The following BCAS2 variants were observed in gnomAD, a reference collection of about 807,000 sequenced individuals.
BCAS2 encodes the protein BCAS2 pre-mRNA processing factor.
In BCAS2, 34 loss-of-function variants were observed where a neutral mutation model predicts 35.3. The observed-to-expected ratio is 0.96, with a 90% CI of 0.73 to 1.28. The LOEUF is 1.28. Ranked by LOEUF, BCAS2 falls within the 50% of genes most tolerant of loss-of-function variation. The pLI, the probability that BCAS2 is intolerant of heterozygous loss-of-function variation, is 0.00. For synonymous variants in BCAS2, 75 were observed against 91.6 expected, an observed-to-expected ratio of 0.82 and a Z score of 1.03; for missense variants, 221 against 268.1, an observed-to-expected ratio of 0.82 and a Z score of 1.23.
intron 4 of BCAS2, among the ~76,000 whole-genome samples, chr1:114,571,469 C>T (rs1008745343): frequency 2.2e-4 from 33 of 152,078 alleles, no homozygotes; most frequent in African/African-American, 8.0e-4. Flanking sequence ...GATCCTCCCA[C>T]TTCAGGCCTT....
Position 114,568,273 on chromosome 1 carries a change from G to GA in BCAS2, c.552-18dup. 1 of 1,596,178 alleles carries GA rather than the reference G, an allele frequency of 6.3e-7. No individual in the cohort carries two copies. The highest frequency in any genetic ancestry group is 8.5e-7 in the Non-Finnish European group (1 of 1,173,694). On this transcript the variant is annotated splice_polypyrimidine_tract_variant and intron_variant, in intron 6 of 6. Transcript: ENST00000369541. ...GATACCCAACTAGAATGGGGGGGAA[G>GA]AAAAGAAAAAAATTACTCAATGTAA...
At chr1:114,580,579 G>T (rs1039302525) in intron 2 of BCAS2, among the ~76,000 whole-genome samples, 1 of 151,878 alleles carries the variant, frequency 6.6e-6, no homozygotes, top group Admixed American at 6.6e-5. Flanking sequence ...TATATATCTA[G>T]CTCCTCACTG....
chr1:114,570,187 T>C, intron 5 of BCAS2, 115 bp from the exon 6 acceptor site: 1 of 704,804 alleles, frequency 1.4e-6, no homozygotes, highest in African/African-American at 1.8e-5. Flanking sequence ...TTATGTACAG[T>C]TATAGGCTAA....
intron 4 of BCAS2, among the ~76,000 whole-genome samples, chr1:114,572,423 C>T (rs1006945763): frequency 2.0e-5 from 3 of 152,174 alleles, no homozygotes; most frequent in Non-Finnish European, 2.9e-5. Flanking sequence ...CTCCCTTCTC[C>T]CACCCTTCCT....
At chr1:114,572,941 C>T (rs1182344728) in intron 4 of BCAS2, among the ~76,000 whole-genome samples, 4 of 151,656 alleles carry the variant, frequency 2.6e-5, no homozygotes, top group African/African-American at 7.3e-5. Context: ...GGTGAAACCC[C>T]GTCTCCACAA....
chr1:114,577,672 T>C (rs937945793), intron 2 of BCAS2, among the ~76,000 whole-genome samples: 3 of 152,330 alleles, frequency 2.0e-5, no homozygotes, highest in South Asian at 4.1e-4. Flanking sequence ...GCAATTTTAC[T>C]GTTCGCAAGT....
intron 3 of BCAS2, among the ~76,000 whole-genome samples, chr1:114,576,237 CTCTCTCTCTCTATA>C (rs935116979): frequency 2.1e-5 from 3 of 145,746 alleles, no homozygotes; most frequent in Non-Finnish European, 3.0e-5. Flanking sequence ...CTCTCTCTCT[CTCTCTCTCTCTATA>C]TATATATATA....
chr1:114,573,153 T>C (rs535987467), intron 4 of BCAS2, among the ~76,000 whole-genome samples: 3 of 116,920 alleles, frequency 2.6e-5, no homozygotes, highest in Non-Finnish European at 5.0e-5. Flanking sequence ...AAAAAAAAAC[T>C]TGGCCTCTAC....
In BCAS2 at chr1:114,569,999, C is replaced by G; in HGVS notation, c.544G>C (p.Glu182Gln). 6.2e-7 allele frequency: 1 copy of G among 1,604,910 alleles called. No homozygotes were observed. Among genetic ancestry groups the G allele is most frequent in the Non-Finnish European group, 8.5e-7 (1 of 1,171,970 alleles). Reference protein sequence around the residue: ...LTAGSKLREMESNWVSLVSKN... With the variant: ...LTAGSKLREMQSNWVSLVSKN... ...GGAATTATAGATACTCACTTTGACT[C>G]CATTTCTCTCAATTTAGATCCAGCT... is the stretch of plus-strand genomic sequence containing the variant. Residue 182 changes from glutamate to glutamine, a missense_variant, in exon 6 of 7, where the codon GAG becomes CAG. Physicochemically the swap from Glu to Gln is conservative, Grantham distance 29. Transcript: ENST00000369541.
At chr1:114,576,648 A>T (rs1654774652) in intron 3 of BCAS2, 40 bp downstream of exon 3, 2 of 1,483,422 alleles carry the variant, frequency 1.3e-6, no homozygotes, top group Non-Finnish European at 1.9e-6. Context: ...TTACTGAGTT[A>T]CTACAAACTA....
At chr1:114,580,995 T>G (rs78693384) in intron 2 of BCAS2, among the ~76,000 whole-genome samples, 4,529 of 152,244 alleles carry the variant, frequency 0.03, 242 homozygotes, top group African/African-American at 0.1. Flanking sequence ...TCACTTGCTG[T>G]AGAGTGAATC....
intron 6 of BCAS2, among the ~76,000 whole-genome samples, chr1:114,569,480 A>G (rs1167587485): frequency 6.6e-6 from 1 of 151,996 alleles, no homozygotes; most frequent in African/African-American, 2.4e-5. Context: ...CTCCCTCCCT[A>G]CAAGATTTTA....
Position 114,568,065 on chromosome 1 carries a change from T to C in BCAS2, c.*65A>G. On this transcript the variant is annotated 3_prime_UTR_variant, in exon 7 of 7. Transcript: ENST00000369541. Reference sequence around the variant, plus strand: ...GGGAAGATGCTGTTGTCCTTCAAAGTTCATTAAAAGTTCAGATGCCTTTTG... The same window carrying C: ...GGGAAGATGCTGTTGTCCTTCAAAGCTCATTAAAAGTTCAGATGCCTTTTG... The C allele has an allele frequency of 1.3e-6, 2 of 1,596,892 alleles. No individual in the cohort carries two copies. The highest frequency in any genetic ancestry group is 2.2e-5 in the East Asian group (1 of 44,718).
At chr1:114,580,354 T>C (rs1237163071) in intron 2 of BCAS2, among the ~76,000 whole-genome samples, 1 of 152,252 alleles carries the variant, frequency 6.6e-6, no homozygotes, top group Non-Finnish European at 1.5e-5. Context: ...ACATTTCATT[T>C]AGCTAACTAG....
At chr1:114,568,376 T>C (rs544528853) in intron 6 of BCAS2, 120 bp from the exon 7 acceptor site, 1 of 1,197,830 alleles carries the variant, frequency 8.3e-7, no homozygotes, top group East Asian at 2.7e-5. Flanking sequence ...CACTTTTTTT[T>C]TTTTTTTGAG....
At position 114,573,032 on chromosome 1, in the gene BCAS2, C is replaced by G. The variant is rs1283281035; in HGVS notation, c.420-2282G>C. ...GCTGAGGCAGAAGAGTTGCTTGAAC[C>G]CGGGAGGGTTGCAGTGAGCTGAGAT... On this transcript the variant is annotated intron_variant, in intron 4 of 6. Coordinates refer to ENST00000369541, the MANE Select transcript of BCAS2 (RefSeq NM_005872.3). 2.0e-5 allele frequency among the ~76,000 whole-genome samples: 3 copies of G among 149,358 alleles called. No homozygotes were observed. The Admixed American group carries it at 2.0e-4, about 10-fold the overall frequency.
intron 4 of BCAS2, among the ~76,000 whole-genome samples, chr1:114,572,295 GA>G (rs909874777): frequency 1.5e-4 from 23 of 152,096 alleles, no homozygotes; most frequent in Non-Finnish European, 2.9e-4. Context: ...CCCTTTCCTT[GA>G]CTTCGACAAT....
At chr1:114,581,200 G>C (rs765942888) in intron 2 of BCAS2, 99 bp downstream of exon 2, 190 of 1,178,186 alleles carry the variant, frequency 1.6e-4, no homozygotes, top group Non-Finnish European at 2.4e-4. Flanking sequence ...GTAAGTAGTA[G>C]CTATGCAGGC....
intron 2 of BCAS2, among the ~76,000 whole-genome samples, chr1:114,579,803 T>A (rs963829306): frequency 6.6e-6 from 1 of 152,030 alleles, no homozygotes; most frequent in African/African-American, 2.4e-5. Flanking sequence ...AAGGTGGAGG[T>A]TGCAGTGAGC....
Sources: gnomAD v4.1 joint callset for allele counts (sites outside exome capture counted in the v4.1 genomes callset) on GRCh38, gnomAD v4.1.1 for gene constraint, MANE v1.5 for transcripts, NCBI Gene and HGNC (gene_info 2026-07-23, HGNC 2026-07-21) for gene names.